Variants in ROBO1 observed in about 807,000 individuals in gnomAD.
ROBO1 encodes the protein roundabout guidance receptor 1.
A neutral mutation model predicts 195.9 loss-of-function variants in ROBO1; 149 were observed. The ratio of observed to expected loss-of-function variants is 0.76; its 90% CI spans 0.67 to 0.87. The LOEUF (loss-of-function observed/expected upper bound fraction) is 0.87, where lower values mean the gene tolerates loss of function less well. Among genes scored for constraint, ROBO1 ranks in the 40% least tolerant of loss-of-function variants. ROBO1 has a pLI of 0.00. For missense variants in ROBO1, 1,933 were observed against 2,068.3 expected, an observed-to-expected ratio of 0.93 and a Z score of 1.27; for synonymous variants, 816 against 733.2, an observed-to-expected ratio of 1.11 and a Z score of -1.82.
intron 3 of ROBO1, among the ~76,000 whole-genome samples, chr3:78,992,230 G>A (rs761642974): frequency 5.3e-5 from 8 of 152,150 alleles, no homozygotes; most frequent in Non-Finnish European, 8.8e-5. Flanking sequence ...ACATGTTTCA[G>A]GTGAAAGTGA....
At chr3:79,507,323 C>T (rs1358837070) in intron 2 of ROBO1, among the ~76,000 whole-genome samples, 5 of 152,184 alleles carry the variant, frequency 3.3e-5, no homozygotes, top group African/African-American at 1.2e-4. Flanking sequence ...CCCCGGTATA[C>T]ACAAACTATC....
intron 3 of ROBO1, among the ~76,000 whole-genome samples, chr3:78,962,691 G>C (rs1004968619): frequency 2.0e-5 from 3 of 151,848 alleles, no homozygotes; most frequent in Non-Finnish European, 4.4e-5. Flanking sequence ...CAGGCGTGGT[G>C]GCGGCGCCTG....
At chr3:79,140,324 C>T (rs1470140483) in intron 2 of ROBO1, among the ~76,000 whole-genome samples, 10 of 152,030 alleles carry the variant, frequency 6.6e-5, no homozygotes, top group Admixed American at 2.0e-4. Context: ...TTTGGAATCA[C>T]TACAGCTAAA....
intron 8 of ROBO1, among the ~76,000 whole-genome samples, chr3:78,711,376 TTCCTTC>T (rs1559773195): frequency 1.5e-3 from 44 of 28,908 alleles, no homozygotes; most frequent in Non-Finnish European, 2.5e-3. Flanking sequence ...CCTTCCTTCC[TTCCTTC>T]CTTCCTTCCT....
At chr3:79,544,659 T>C (rs1217907259) in intron 2 of ROBO1, among the ~76,000 whole-genome samples, 1 of 152,028 alleles carries the variant, frequency 6.6e-6, no homozygotes, top group Non-Finnish European at 1.5e-5. Context: ...TTTTTGTATA[T>C]ATATTTTTCT....
intron 3 of ROBO1, among the ~76,000 whole-genome samples, chr3:79,089,160 C>A (rs565344280): frequency 2.5e-3 from 373 of 152,104 alleles, no homozygotes; most frequent in African/African-American, 8.5e-3. Flanking sequence ...TCTGAATTTC[C>A]TTATACATTT....
At chr3:79,097,957 A>G (rs1347661110) in intron 3 of ROBO1, among the ~76,000 whole-genome samples, 1 of 151,768 alleles carries the variant, frequency 6.6e-6, no homozygotes, top group Non-Finnish European at 1.5e-5. Flanking sequence ...TTCTAAATCA[A>G]GCATGATATA....
intron 1 of ROBO1, among the ~76,000 whole-genome samples, chr3:79,665,072 C>A (rs1003501488): frequency 2.0e-5 from 3 of 151,726 alleles, no homozygotes; most frequent in Admixed American, 6.6e-5. Flanking sequence ...ATTAGGTTCC[C>A]TTTCTTTAGA....
At chr3:78,672,598 A>G (rs1487331831) in intron 10 of ROBO1, among the ~76,000 whole-genome samples, 1 of 150,262 alleles carries the variant, frequency 6.7e-6, no homozygotes, top group Middle Eastern at 3.2e-3. Flanking sequence ...CTGTCTCAAA[A>G]AAAAAAAAAA....
intron 2 of ROBO1, among the ~76,000 whole-genome samples, chr3:79,219,540 A>G (rs1253468885): frequency 6.6e-6 from 1 of 151,982 alleles, no homozygotes; most frequent in Non-Finnish European, 1.5e-5. Context: ...TGGGATTCAA[A>G]AGGGCTAAGT....
chr3:79,097,385 C>T (rs1474358555), intron 3 of ROBO1, among the ~76,000 whole-genome samples: 1 of 151,698 alleles, frequency 6.6e-6, no homozygotes, highest in African/African-American at 2.4e-5. Flanking sequence ...AATTAGAATG[C>T]TGGGTTTTTC....
chr3:78,855,388 C>T (rs965129727), intron 4 of ROBO1, among the ~76,000 whole-genome samples: 4 of 152,094 alleles, frequency 2.6e-5, no homozygotes, highest in African/African-American at 9.7e-5. Flanking sequence ...GCTAACAAAC[C>T]AGTTTTCCAA....
intron 5 of ROBO1, among the ~76,000 whole-genome samples, chr3:78,738,264 A>G (rs2108233466): frequency 6.6e-6 from 1 of 152,250 alleles, no homozygotes; most frequent in East Asian, 1.9e-4. Context: ...CACACCAACA[A>G]TGGAAATCAA....
intron 2 of ROBO1, among the ~76,000 whole-genome samples, chr3:79,437,054 G>A (rs894861559): frequency 6.6e-6 from 1 of 151,954 alleles, no homozygotes. Flanking sequence ...GCATCGTAAC[G>A]GTTAATCCAC....
At chr3:78,693,088 A>C (rs140582162) in intron 8 of ROBO1, 1 of 401,348 alleles carries the variant, frequency 2.5e-6, no homozygotes, top group Admixed American at 4.1e-5. Context: ...TCAGGAGAGA[A>C]GAAATAAAAG....
In ROBO1 at chr3:79,414,265, C is replaced by T. The variant is rs540774066; in HGVS notation, c.88+175559G>A. On this transcript the variant is annotated intron_variant, in intron 2 of 30. Coordinates refer to ENST00000464233, the MANE Select transcript of ROBO1 (RefSeq NM_002941.4). The stretch of plus-strand genomic sequence containing the variant: ...CTCTTTCTCTGTGTGTGTATGTGTG[C>T]GTGTGTCTTCAACAGTAGGTATACA... Among the ~76,000 whole-genome samples the T allele has an allele frequency of 3.5e-4, 52 of 149,952 alleles. No homozygotes were observed. The South Asian group carries it at 8.2e-3, about 24-fold the overall frequency.
intron 3 of ROBO1, among the ~76,000 whole-genome samples, chr3:78,969,793 A>G (rs1027018569): frequency 6.6e-6 from 1 of 152,222 alleles, no homozygotes; most frequent in Non-Finnish European, 1.5e-5. Flanking sequence ...ATATGGACAC[A>G]AACTTAATTT....
At chr3:78,605,750 GTTCT>G (rs772420423) in intron 29 of ROBO1, among the ~76,000 whole-genome samples, 7 of 152,022 alleles carry the variant, frequency 4.6e-5, no homozygotes, top group South Asian at 2.1e-4. Context: ...CATTTTCCCT[GTTCT>G]TTATTTTATT....
intron 3 of ROBO1, among the ~76,000 whole-genome samples, chr3:79,030,981 C>A (rs2078286306): frequency 6.6e-6 from 1 of 152,212 alleles, no homozygotes; most frequent in South Asian, 2.1e-4. Context: ...CTCTGCCTCC[C>A]AAAGTGCTGG....
Sources: gnomAD v4.1 joint callset for allele counts (sites outside exome capture counted in the v4.1 genomes callset) on GRCh38, gnomAD v4.1.1 for gene constraint, MANE v1.5 for transcripts, NCBI Gene and HGNC (gene_info 2026-07-23, HGNC 2026-07-21) for gene names.